The following CSMD1 variants were observed in gnomAD, a reference collection of about 807,000 sequenced individuals.
CSMD1 encodes the protein CUB and Sushi multiple domains 1, also known as CUB and sushi domain-containing protein 1.
In CSMD1, 213 loss-of-function variants were observed where a neutral mutation model predicts 417.5. The observed-to-expected ratio is 0.51, with a 90% CI of 0.46 to 0.57. CSMD1 has a LOEUF of 0.57. CSMD1 is among the 20% of genes least tolerant of loss of function. CSMD1 has a pLI of 0.00. For synonymous variants in CSMD1, 2,862 were observed against 1,736.8 expected (o/e 1.65, Z -16.11); for missense variants, 6,923 against 4,529.7 (o/e 1.53, Z -15.17).
At chr8:4,683,987 G>A (rs185217601) in intron 1 of CSMD1, among the ~76,000 whole-genome samples, 3 of 152,178 alleles carry the variant, frequency 2.0e-5, no homozygotes, top group African/African-American at 4.8e-5. Flanking sequence ...AAAATATTCA[G>A]TATCACTGAC....
chr8:3,409,771 A>G (rs1430425366), intron 12 of CSMD1, among the ~76,000 whole-genome samples, 166 bp from the exon 13 acceptor site: 1 of 152,218 alleles, frequency 6.6e-6, no homozygotes, highest in Non-Finnish European at 1.5e-5. Flanking sequence ...AATTTCAAAT[A>G]CCAGAAAAAG....
intron 52 of CSMD1, among the ~76,000 whole-genome samples, chr8:3,010,444 G>A (rs959458208): frequency 1.3e-5 from 2 of 152,090 alleles, no homozygotes; most frequent in Admixed American, 1.3e-4. Flanking sequence ...CCATCTCGTG[G>A]CCCTATCAGT....
chr8:4,981,791 G>A (rs923945311), intron 1 of CSMD1, among the ~76,000 whole-genome samples: 1 of 152,096 alleles, frequency 6.6e-6, no homozygotes, highest in East Asian at 1.9e-4. Flanking sequence ...AACCAACACA[G>A]CAAACTGACA....
chr8:4,897,959 G>A (rs919602417), intron 1 of CSMD1, among the ~76,000 whole-genome samples: 1 of 152,194 alleles, frequency 6.6e-6, no homozygotes, highest in African/African-American at 2.4e-5. Context: ...TTTATAATAT[G>A]CTTAGTTTTA....
At chr8:3,651,952 T>A (rs1797878076) in intron 7 of CSMD1, among the ~76,000 whole-genome samples, 1 of 149,508 alleles carries the variant, frequency 6.7e-6, no homozygotes, top group African/African-American at 2.5e-5. Context: ...CCTACCACCA[T>A]CAGAGCGCCA....
At chr8:3,848,624 C>T (rs1002363489) in intron 5 of CSMD1, among the ~76,000 whole-genome samples, 1 of 152,086 alleles carries the variant, frequency 6.6e-6, no homozygotes, top group African/African-American at 2.4e-5. Context: ...TTCTAAAGTG[C>T]AGAGAATAGA....
intron 3 of CSMD1, among the ~76,000 whole-genome samples, chr8:4,152,666 A>C (rs984244362): frequency 6.6e-6 from 1 of 152,118 alleles, no homozygotes; most frequent in Non-Finnish European, 1.5e-5. Flanking sequence ...CCGCAACCCA[A>C]GCAACAGAGC....
intron 49 of CSMD1, among the ~76,000 whole-genome samples, chr8:3,077,101 C>T (rs770162272): frequency 2.0e-5 from 3 of 152,124 alleles, no homozygotes; most frequent in Non-Finnish European, 2.9e-5. Flanking sequence ...GGTGCCTGCA[C>T]GTCTGGTATG....
chr8:4,950,112 CATATG>C (rs1372611029), intron 1 of CSMD1, among the ~76,000 whole-genome samples: 3 of 151,768 alleles, frequency 2.0e-5, no homozygotes, highest in East Asian at 1.9e-4. Flanking sequence ...AGAAATGTTT[CATATG>C]ATAAGATTTT....
intron 11 of CSMD1, among the ~76,000 whole-genome samples, chr8:3,487,991 T>TAA (rs144877363): frequency 6.7e-6 from 1 of 149,728 alleles, no homozygotes; most frequent in African/African-American, 2.5e-5. Flanking sequence ...CACAGAAGAC[T>TAA]AAAAAAAAGA....
chr8:3,408,693 C>T (rs17066020), intron 13 of CSMD1, among the ~76,000 whole-genome samples: 1 of 151,734 alleles, frequency 6.6e-6, no homozygotes, highest in Non-Finnish European at 1.5e-5. Flanking sequence ...ACAGGGTAAA[C>T]ATGAATAAAT....
chr8:3,854,878 A>G (rs941917733), intron 5 of CSMD1, among the ~76,000 whole-genome samples: 1 of 152,184 alleles, frequency 6.6e-6, no homozygotes, highest in Non-Finnish European at 1.5e-5. Flanking sequence ...AGAGTAAAAT[A>G]TTATATGGAC....
intron 3 of CSMD1, among the ~76,000 whole-genome samples, chr8:4,385,071 T>C (rs1803358794): frequency 6.6e-6 from 1 of 152,124 alleles, no homozygotes; most frequent in Admixed American, 6.5e-5. Context: ...TGATTACAGG[T>C]GCCTTCCAGC....
At chr8:3,824,190 A>C (rs7829815) in intron 5 of CSMD1, among the ~76,000 whole-genome samples, 10,435 of 152,116 alleles carry the variant, frequency 0.069, 825 homozygotes, top group African/African-American at 0.19. Flanking sequence ...GGAGATGATG[A>C]CTAATTTATC....
At chr8:3,544,164 G>A (rs1320359026) in intron 10 of CSMD1, among the ~76,000 whole-genome samples, 1 of 152,048 alleles carries the variant, frequency 6.6e-6, no homozygotes, top group Non-Finnish European at 1.5e-5. Context: ...AGAAAGTTAT[G>A]TATTCCTAGC....
In CSMD1 at chr8:4,634,772, C is replaced by G. The variant is rs187279970; in HGVS notation, c.302+2570G>C. ...TTTATAACTACTTTCCCCATCAACT[C>G]ATCCTGAATGTTGAAAGAGAAAACA... On this transcript the variant is annotated intron_variant, in intron 2 of 69. Transcript: ENST00000635120. Among the ~76,000 whole-genome samples, 5 of 152,300 alleles carry G rather than the reference C, an allele frequency of 3.3e-5. No homozygotes were observed. The East Asian group carries it at 9.7e-4, about 29-fold the overall frequency.
intron 2 of CSMD1, among the ~76,000 whole-genome samples, chr8:4,582,643 T>C (rs990638956): frequency 5.9e-5 from 9 of 152,142 alleles, no homozygotes; most frequent in Admixed American, 2.0e-4. Context: ...CCAGCCCTCA[T>C]AGTGAGAGGT....
intron 7 of CSMD1, among the ~76,000 whole-genome samples, chr8:3,708,204 C>A (rs1310814861): frequency 6.6e-6 from 1 of 152,172 alleles, no homozygotes; most frequent in Non-Finnish European, 1.5e-5. Context: ...AGACGTGACA[C>A]ATGGTTAGGA....
chr8:4,012,905 T>G (rs994096682), intron 4 of CSMD1, among the ~76,000 whole-genome samples: 1 of 151,978 alleles, frequency 6.6e-6, no homozygotes, highest in Non-Finnish European at 1.5e-5. Context: ...GTAGGGAAAT[T>G]CCATCAGCAC....
Sources: allele counts gnomAD v4.1 joint callset (sites outside exome capture counted in the v4.1 genomes callset), GRCh38; gene constraint gnomAD v4.1.1; transcripts MANE v1.5; gene names NCBI Gene and HGNC (gene_info 2026-07-23, HGNC 2026-07-21).